KCNN2: variants seen among roughly 807,000 people sequenced by gnomAD.
KCNN2 encodes the protein small conductance calcium-activated potassium channel protein 2.
A neutral mutation model predicts 55.5 loss-of-function variants in KCNN2; 24 were observed. That is an observed-to-expected ratio of 0.43 (90% CI 0.31 to 0.61). The LOEUF (loss-of-function observed/expected upper bound fraction) is 0.61. Among genes scored for constraint, KCNN2 ranks in the 20% least tolerant of loss-of-function variants. The pLI, the probability that KCNN2 is intolerant of heterozygous loss-of-function variation, is 0.08. For synonymous variants in KCNN2, 431 were observed against 336.1 expected (o/e 1.28, Z -3.09); for missense variants, 754 against 853.6 (o/e 0.88, Z 1.45).
At chr5:114,232,474 T>C (rs1340197052) in intron 2 of KCNN2, among the ~76,000 whole-genome samples, 1 of 151,104 alleles carries the variant, frequency 6.6e-6, no homozygotes. Context: ...TTCCAGTCTG[T>C]CCACATGTAC....
chr5:114,303,663 G>C (rs1035956508), intron 2 of KCNN2, among the ~76,000 whole-genome samples: 7 of 152,168 alleles, frequency 4.6e-5, no homozygotes, highest in African/African-American at 1.7e-4. Context: ...ACTCATTGCA[G>C]TAGGTCCAGT....
At chr5:114,288,690 C>A (rs911797290) in intron 2 of KCNN2, among the ~76,000 whole-genome samples, 1 of 151,886 alleles carries the variant, frequency 6.6e-6, no homozygotes, top group Non-Finnish European at 1.5e-5. Flanking sequence ...TCTACTCAAG[C>A]CCTTAGTTCA....
At chr5:114,316,349 G>GT (rs1434114584) in intron 2 of KCNN2, among the ~76,000 whole-genome samples, 2 of 152,128 alleles carry the variant, frequency 1.3e-5, no homozygotes, top group African/African-American at 4.8e-5. Flanking sequence ...GCCCCCTCCT[G>GT]GCCCCTGAGC....
intron 1 of KCNN2, among the ~76,000 whole-genome samples, chr5:114,097,113 A>T (rs1389415895): frequency 6.6e-6 from 1 of 152,228 alleles, no homozygotes; most frequent in African/African-American, 2.4e-5. Context: ...AGATCCAAAT[A>T]GTAGACCTAC....
chr5:114,375,202 C>A (rs1003486890), intron 2 of KCNN2, among the ~76,000 whole-genome samples: 2 of 152,010 alleles, frequency 1.3e-5, no homozygotes, highest in African/African-American at 4.8e-5. Flanking sequence ...TATGCCCTAG[C>A]TTTGGATAGT....
chr5:114,244,382 G>A (rs1006532148), intron 2 of KCNN2, among the ~76,000 whole-genome samples: 15 of 152,026 alleles, frequency 9.9e-5, no homozygotes, highest in African/African-American at 3.6e-4. Flanking sequence ...GATCACCTGA[G>A]GTCAGGAGTT....
At chr5:114,168,013 C>A (rs914684560) in intron 1 of KCNN2, among the ~76,000 whole-genome samples, 1 of 151,930 alleles carries the variant, frequency 6.6e-6, no homozygotes, top group African/African-American at 2.4e-5. Context: ...CTTTTTATTG[C>A]GAGTAGCATG....
chr5:114,133,128 A>T (rs145060235), intron 1 of KCNN2, among the ~76,000 whole-genome samples: 1 of 152,152 alleles, frequency 6.6e-6, no homozygotes, highest in Non-Finnish European at 1.5e-5. Context: ...ATGAATGTCT[A>T]TGTAATTAGG....
chr5:114,195,659 G>A (rs1283229053), intron 1 of KCNN2, among the ~76,000 whole-genome samples: 1 of 151,818 alleles, frequency 6.6e-6, no homozygotes, highest in African/African-American at 2.4e-5. Context: ...TTTTCAATCT[G>A]GATGCCTTTT....
chr5:114,277,368 A>G (rs576988838), intron 2 of KCNN2, among the ~76,000 whole-genome samples: 2 of 152,166 alleles, frequency 1.3e-5, no homozygotes, highest in Admixed American at 6.5e-5. Flanking sequence ...TGTTTCCTGA[A>G]TTTGGATGTT....
At chr5:114,440,667 C>T (rs1760171488) in intron 3 of KCNN2, among the ~76,000 whole-genome samples, 1 of 91,000 alleles carries the variant, frequency 1.1e-5, no homozygotes, top group South Asian at 4.1e-4. Flanking sequence ...CTGCACTACT[C>T]AGGGGAAGTG....
intron 2 of KCNN2, among the ~76,000 whole-genome samples, chr5:114,254,972 T>A (rs1011670501): frequency 6.6e-6 from 1 of 152,208 alleles, no homozygotes; most frequent in Non-Finnish European, 1.5e-5. Flanking sequence ...GGATTTCTGC[T>A]AACTCAGTAA....
chr5:114,071,113 G>T (rs1483456035), intron 1 of KCNN2, among the ~76,000 whole-genome samples: 4 of 152,130 alleles, frequency 2.6e-5, no homozygotes, highest in Non-Finnish European at 4.4e-5. Context: ...GCCAACAGTA[G>T]AATCTACTCT....
At chr5:114,482,611 G>T (rs1762275703) in intron 5 of KCNN2, among the ~76,000 whole-genome samples, 1 of 152,074 alleles carries the variant, frequency 6.6e-6, no homozygotes, top group Admixed American at 6.6e-5. Context: ...CTATAGCAAA[G>T]ACATGGAATC....
chr5:114,303,800 G>T (rs1756214805), intron 2 of KCNN2, among the ~76,000 whole-genome samples: 1 of 152,134 alleles, frequency 6.6e-6, no homozygotes, highest in Non-Finnish European at 1.5e-5. Context: ...CTAGAAAAAG[G>T]AATGAGATTG....
intron 1 of KCNN2, among the ~76,000 whole-genome samples, chr5:114,193,142 A>T (rs894251236): frequency 3.9e-5 from 6 of 151,950 alleles, no homozygotes; most frequent in Middle Eastern, 3.4e-3. Flanking sequence ...TTATCTAGCG[A>T]CCCTATTTTG....
rs375806439 is a variant in KCNN2, at chr5:114,143,429, G to A, written c.-270-78051G>A. On this transcript the variant is annotated intron_variant, in intron 1 of 10. Transcript: ENST00000512097. The stretch of plus-strand genomic sequence containing the variant: ...AGAAACAACGTGATGCTAGACAACC[G>A]GTTAGACCAAAAATTCTCAGAAGGG... 5.3e-4 allele frequency among the ~76,000 whole-genome samples: 81 copies of A among 152,170 alleles called. 1 individual carries two copies. The East Asian group carries it at 7.7e-3, about 15-fold the overall frequency.
intron 2 of KCNN2, among the ~76,000 whole-genome samples, chr5:114,284,512 C>G (rs1755695431): frequency 6.6e-6 from 1 of 152,194 alleles, no homozygotes; most frequent in Non-Finnish European, 1.5e-5. Context: ...AAAAGATCAT[C>G]TCCATTTTTT....
At chr5:114,308,542 G>T (rs769004402) in intron 2 of KCNN2, among the ~76,000 whole-genome samples, 1 of 152,138 alleles carries the variant, frequency 6.6e-6, no homozygotes, top group Non-Finnish European at 1.5e-5. Flanking sequence ...TGTGTATCAA[G>T]CATGTTACCA....
Sources: allele counts gnomAD v4.1 joint callset (sites outside exome capture counted in the v4.1 genomes callset), GRCh38; gene constraint gnomAD v4.1.1; transcripts MANE v1.5; gene names NCBI Gene and HGNC (gene_info 2026-07-23, HGNC 2026-07-21).